Variants in SUGCT observed in about 807,000 individuals in gnomAD.
SUGCT encodes the protein succinyl-CoA:glutarate CoA-transferase.
SUGCT carries 41 observed loss-of-function variants against 55.0 expected under a neutral mutation model. The ratio of observed to expected loss-of-function variants is 0.74; its 90% CI spans 0.58 to 0.97. The LOEUF (loss-of-function observed/expected upper bound fraction) is 0.97. Among genes scored for constraint, SUGCT ranks in the 50% least tolerant of loss-of-function variants. The pLI is 0.00. For missense variants in SUGCT, 568 were observed against 547.8 expected (o/e 1.04, Z -0.37); for synonymous variants, 187 against 200.4 (o/e 0.93, Z 0.56).
At chr7:40,261,687 C>CA (rs1791232342) in intron 7 of SUGCT, among the ~76,000 whole-genome samples, 1 of 152,098 alleles carries the variant, frequency 6.6e-6, no homozygotes, top group Non-Finnish European at 1.5e-5. Context: ...GGAGTTAGAC[C>CA]AAATGTCTCT....
intron 9 of SUGCT, among the ~76,000 whole-genome samples, chr7:40,327,910 T>A (rs995400284): frequency 2.0e-5 from 3 of 152,224 alleles, no homozygotes; most frequent in African/African-American, 7.2e-5. Flanking sequence ...AAATAGTTAT[T>A]GCTATTATCT....
chr7:40,180,908 C>G lies in SUGCT; in HGVS notation c.101-39C>G, dbSNP rs2036041. 0.48 allele frequency: 685,428 copies of G among 1,434,000 alleles called. 166,734 individuals carry two copies. Among genetic ancestry groups the G allele is most frequent in the Middle Eastern group, 0.65 (3,685 of 5,710 alleles). 88.8% of individuals were successfully genotyped at this position (1,434,000 alleles called of 1,614,324 possible). A position where few individuals can be genotyped will look rare whatever the true frequency, so the allele number is the denominator to read the frequency against. On this transcript the variant is annotated intron_variant, in intron 1 of 13. Coordinates refer to ENST00000335693, the MANE Select transcript of SUGCT (RefSeq NM_001193313.2). The stretch of plus-strand genomic sequence containing the variant: ...TGTATGTGAAAATGTAAGAAAATTA[C>G]TAATGAATTATCTTGAAATGTTTTC...
chr7:40,749,227 T>G (rs1562979362), intron 12 of SUGCT, among the ~76,000 whole-genome samples: 1 of 152,206 alleles, frequency 6.6e-6, no homozygotes, highest in Non-Finnish European at 1.5e-5. Context: ...CCGTGAATCC[T>G]CTAGTCTTTT....
intron 9 of SUGCT, among the ~76,000 whole-genome samples, chr7:40,351,163 G>T (rs1797614617): frequency 6.6e-6 from 1 of 151,816 alleles, no homozygotes; most frequent in Non-Finnish European, 1.5e-5. Flanking sequence ...ACTCTTTGTA[G>T]GTTGATAACA....
At chr7:41,016,380 A>C in the SUGCT span, among the ~76,000 whole-genome samples, 1 of 152,220 alleles carries the variant, frequency 6.6e-6, no homozygotes, top group East Asian at 1.9e-4. Context: ...GGAGCAGCCC[A>C]TAAGATAGCA....
At chr7:40,254,145 G>A (rs1329778727) in intron 7 of SUGCT, among the ~76,000 whole-genome samples, 3 of 152,152 alleles carry the variant, frequency 2.0e-5, no homozygotes, top group Non-Finnish European at 4.4e-5. Context: ...AAGAAGAGTT[G>A]TCTGTGAAAT....
At chr7:40,580,208 T>C (rs1797005515) in intron 12 of SUGCT, among the ~76,000 whole-genome samples, 1 of 152,176 alleles carries the variant, frequency 6.6e-6, no homozygotes, top group African/African-American at 2.4e-5. Flanking sequence ...ACACAGAATA[T>C]GCACATAGTA....
rs550835217 is a variant in SUGCT at position 40,247,446 on chromosome 7, C to T, written c.576+9720C>T. 1.8e-4 allele frequency among the ~76,000 whole-genome samples: 27 copies of T among 152,132 alleles called. 1 individual carries two copies. In the South Asian group the frequency reaches 4.8e-3, roughly 27 times the overall value. On this transcript the variant is annotated intron_variant, in intron 7 of 13. Coordinates refer to ENST00000335693, the MANE Select transcript of SUGCT (RefSeq NM_001193313.2). ...AATATTTTTGTATTTTTAGTAGGGA[C>T]GGGGTTTCACCATGTTGGCCAGGCT...
chr7:40,871,635 A>T, the SUGCT span, among the ~76,000 whole-genome samples: 3 of 152,126 alleles, frequency 2.0e-5, no homozygotes, highest in South Asian at 6.2e-4. Flanking sequence ...TAACTACCTG[A>T]GTGGTTTCTG....
At chr7:40,734,546 C>T (rs1176898244) in intron 12 of SUGCT, among the ~76,000 whole-genome samples, 1 of 152,186 alleles carries the variant, frequency 6.6e-6, no homozygotes, top group East Asian at 1.9e-4. Flanking sequence ...GTATGGTCCT[C>T]TCACACTCAC....
chr7:40,916,841 A>C, the SUGCT span, among the ~76,000 whole-genome samples: 1 of 152,240 alleles, frequency 6.6e-6, no homozygotes, highest in South Asian at 2.1e-4. Context: ...ATGTCCATAC[A>C]TGAAGCTATT....
At chr7:40,713,639 T>C (rs1048187337) in intron 12 of SUGCT, among the ~76,000 whole-genome samples, 6 of 152,240 alleles carry the variant, frequency 3.9e-5, no homozygotes, top group African/African-American at 1.4e-4. Flanking sequence ...CCTTTGGGCC[T>C]TAACCACAAC....
At chr7:40,503,200 G>C (rs1792388694) in intron 12 of SUGCT, among the ~76,000 whole-genome samples, 1 of 152,078 alleles carries the variant, frequency 6.6e-6, no homozygotes, top group South Asian at 2.1e-4. Context: ...TAAAAGGTTT[G>C]AATATATGTA....
At chr7:40,262,902 T>G (rs549058383) in intron 7 of SUGCT, among the ~76,000 whole-genome samples, 1 of 152,320 alleles carries the variant, frequency 6.6e-6, no homozygotes, top group South Asian at 2.1e-4. Flanking sequence ...TCTCTGTGAC[T>G]TTGACAAGTT....
At position 40,426,760 on chromosome 7, in the gene SUGCT, G is replaced by A. The variant is rs574309242; in HGVS notation, c.817-22527G>A. Reference sequence around the variant, plus strand: ...CAAAGTATGAGTAGAAGGTACAGAAGTAGAAAAGAATATATATATTTTAAG... The same window carrying A: ...CAAAGTATGAGTAGAAGGTACAGAAATAGAAAAGAATATATATATTTTAAG... On this transcript the variant is annotated intron_variant, in intron 9 of 13. Coordinates refer to ENST00000335693, the MANE Select transcript of SUGCT (RefSeq NM_001193313.2). 4.6e-5 allele frequency among the ~76,000 whole-genome samples: 7 copies of A among 152,172 alleles called. No individual in the cohort carries two copies. In the South Asian group the frequency reaches 1.2e-3, roughly 27 times the overall value.
At chr7:40,291,115 G>A (rs1793720498) in intron 8 of SUGCT, among the ~76,000 whole-genome samples, 2 of 152,000 alleles carry the variant, frequency 1.3e-5, no homozygotes, top group Admixed American at 6.6e-5. Flanking sequence ...CAGGGATCTC[G>A]AACTAGAAAT....
intron 6 of SUGCT, among the ~76,000 whole-genome samples, chr7:40,197,612 G>C (rs1393608627): frequency 6.6e-6 from 1 of 152,138 alleles, no homozygotes; most frequent in Non-Finnish European, 1.5e-5. Context: ...GAGTGCAAGA[G>C]AACAAGCCCA....
At chr7:40,865,894 T>G in the SUGCT span, among the ~76,000 whole-genome samples, 1 of 152,206 alleles carries the variant, frequency 6.6e-6, no homozygotes, top group Non-Finnish European at 1.5e-5. Flanking sequence ...CCCTTTGCTT[T>G]CTTCTCCCAG....
chr7:40,437,622 C>G (rs1788249319), intron 9 of SUGCT, among the ~76,000 whole-genome samples: 1 of 152,178 alleles, frequency 6.6e-6, no homozygotes, highest in African/African-American at 2.4e-5. Flanking sequence ...TCATTGCCAT[C>G]TGGCTCAGCC....
Sources: gnomAD v4.1 joint callset for allele counts (sites outside exome capture counted in the v4.1 genomes callset) on GRCh38, gnomAD v4.1.1 for gene constraint, MANE v1.5 for transcripts, NCBI Gene and HGNC (gene_info 2026-07-23, HGNC 2026-07-21) for gene names.